CSMD1: variants seen among roughly 807,000 people sequenced by gnomAD.
The protein encoded by CSMD1 is CUB and sushi domain-containing protein 1.
CSMD1 carries 213 observed loss-of-function variants against 417.5 expected under a neutral mutation model. The ratio of observed to expected loss-of-function variants is 0.51; its 90% CI spans 0.46 to 0.57. The LOEUF (loss-of-function observed/expected upper bound fraction) is 0.57. Ranked by LOEUF, CSMD1 falls within the 20% of genes least tolerant of loss-of-function variation. The pLI is 0.00. For synonymous variants in CSMD1, 2,862 were observed against 1,736.8 expected, an observed-to-expected ratio of 1.65 and a Z score of -16.11; for missense variants, 6,923 against 4,529.7, an observed-to-expected ratio of 1.53 and a Z score of -15.17.
chr8:3,251,155 T>C (rs1180055625), intron 26 of CSMD1, among the ~76,000 whole-genome samples: 1 of 152,182 alleles, frequency 6.6e-6, no homozygotes, highest in Admixed American at 6.5e-5. Context: ...ATGTCCTGAA[T>C]GGTATTGCCT....
At chr8:4,463,174 G>T (rs998547586) in intron 2 of CSMD1, among the ~76,000 whole-genome samples, 3 of 151,966 alleles carry the variant, frequency 2.0e-5, no homozygotes, top group Non-Finnish European at 4.4e-5. Flanking sequence ...TGGCCAAGAA[G>T]CCCGTATAAA....
chr8:4,211,414 A>T (rs1800303298), intron 3 of CSMD1, among the ~76,000 whole-genome samples: 2 of 152,198 alleles, frequency 1.3e-5, no homozygotes, highest in Non-Finnish European at 1.5e-5. Context: ...AATCAGCATC[A>T]CTGAATTTTG....
chr8:4,710,583 C>T (rs995468520), intron 1 of CSMD1, among the ~76,000 whole-genome samples: 6 of 151,016 alleles, frequency 4.0e-5, no homozygotes, highest in East Asian at 1.9e-4. Flanking sequence ...CGGTGGCTCA[C>T]GCTTGTGATC....
intron 1 of CSMD1, among the ~76,000 whole-genome samples, chr8:4,640,676 G>T (rs946546069): frequency 6.6e-6 from 1 of 151,914 alleles, no homozygotes; most frequent in African/African-American, 2.4e-5. Context: ...ATTCTTAATG[G>T]ACAACTTTTA....
At chr8:4,661,767 C>A (rs1340162467) in intron 1 of CSMD1, among the ~76,000 whole-genome samples, 1 of 152,054 alleles carries the variant, frequency 6.6e-6, no homozygotes, top group African/African-American at 2.4e-5. Context: ...TTTATAAGAC[C>A]ATTAAATCGT....
intron 2 of CSMD1, among the ~76,000 whole-genome samples, chr8:4,488,300 C>T (rs1801518228): frequency 6.6e-6 from 1 of 152,078 alleles, no homozygotes; most frequent in Non-Finnish European, 1.5e-5. Flanking sequence ...TTCATATAAC[C>T]ACAGGAGTAG....
At chr8:3,580,033 G>C (rs961353803) in intron 9 of CSMD1, among the ~76,000 whole-genome samples, 1 of 152,128 alleles carries the variant, frequency 6.6e-6, no homozygotes, top group Non-Finnish European at 1.5e-5. Context: ...GAGCTAGGGA[G>C]GTGGAAGTTG....
intron 7 of CSMD1, among the ~76,000 whole-genome samples, chr8:3,621,268 T>G (rs1049476675): frequency 2.0e-5 from 3 of 152,000 alleles, no homozygotes; most frequent in African/African-American, 2.4e-5. Flanking sequence ...ACCAAAGACA[T>G]AGGTTGGCAG....
chr8:3,033,994 G>A (rs867529786), intron 50 of CSMD1, among the ~76,000 whole-genome samples: 1 of 152,166 alleles, frequency 6.6e-6, no homozygotes, highest in South Asian at 2.1e-4. Flanking sequence ...CCACCCCCTA[G>A]TCGGGCAGGT....
intron 10 of CSMD1, among the ~76,000 whole-genome samples, chr8:3,568,279 C>T (rs915620279): frequency 7.2e-5 from 11 of 152,114 alleles, no homozygotes; most frequent in African/African-American, 2.7e-4. Context: ...ATCAGAACAC[C>T]TGTCAGATCC....
At chr8:4,439,919 G>C (rs1382210912) in intron 2 of CSMD1, among the ~76,000 whole-genome samples, 1 of 152,142 alleles carries the variant, frequency 6.6e-6, no homozygotes, top group Non-Finnish European at 1.5e-5. Context: ...AGCTTAATAA[G>C]GAGTAATAAT....
At chr8:4,091,279 A>C (rs1027414624) in intron 3 of CSMD1, among the ~76,000 whole-genome samples, 1 of 152,132 alleles carries the variant, frequency 6.6e-6, no homozygotes, top group Non-Finnish European at 1.5e-5. Context: ...TAATCTAATA[A>C]AATTTCCAAT....
chr8:3,848,211 T>C (rs1216992527), intron 5 of CSMD1, among the ~76,000 whole-genome samples: 1 of 152,198 alleles, frequency 6.6e-6, no homozygotes, highest in Non-Finnish European at 1.5e-5. Flanking sequence ...AATCAGAAGT[T>C]GTCAGGACAT....
At chr8:4,881,158 G>T (rs937988773) in intron 1 of CSMD1, among the ~76,000 whole-genome samples, 1 of 151,944 alleles carries the variant, frequency 6.6e-6, no homozygotes, top group East Asian at 1.9e-4. Context: ...ATTTCACTTT[G>T]AGTTTCTAGA....
chr8:4,356,071 T>G (rs1801413058), intron 3 of CSMD1, among the ~76,000 whole-genome samples: 1 of 152,218 alleles, frequency 6.6e-6, no homozygotes, highest in Admixed American at 6.5e-5. Context: ...CAGTGTACAC[T>G]GCACCATATA....
chr8:3,264,523 A>C (rs180753052), intron 26 of CSMD1, among the ~76,000 whole-genome samples: 2 of 152,326 alleles, frequency 1.3e-5, no homozygotes, highest in African/African-American at 4.8e-5. Context: ...CTGCACACTG[A>C]ATCATTTACC....
chr8:4,809,183 G>C (rs1406682075), intron 1 of CSMD1, among the ~76,000 whole-genome samples: 5 of 152,230 alleles, frequency 3.3e-5, no homozygotes, highest in Non-Finnish European at 5.9e-5. Flanking sequence ...TACACGTCTT[G>C]ATATCATCTG....
At chr8:4,133,552 G>T (rs1012072136) in intron 3 of CSMD1, among the ~76,000 whole-genome samples, 2 of 152,210 alleles carry the variant, frequency 1.3e-5, no homozygotes, top group African/African-American at 2.4e-5. Flanking sequence ...TGGTATAAGG[G>T]TTTTGTAGGA....
intron 3 of CSMD1, among the ~76,000 whole-genome samples, chr8:4,229,514 C>A (rs909200509): frequency 6.6e-6 from 1 of 152,196 alleles, no homozygotes; most frequent in African/African-American, 2.4e-5. Flanking sequence ...TATAATTCTA[C>A]TGTAGCTTTT....
Sources: gnomAD v4.1 joint callset for allele counts (sites outside exome capture counted in the v4.1 genomes callset) on GRCh38, gnomAD v4.1.1 for gene constraint, MANE v1.5 for transcripts, NCBI Gene and HGNC (gene_info 2026-07-23, HGNC 2026-07-21) for gene names.